PNPLA5: variants seen among roughly 807,000 people sequenced by gnomAD.
PNPLA5 encodes patatin like domain 5, triacylglycerol lipase, also known as patatin-like phospholipase domain-containing protein 5.
A neutral mutation model predicts 49.1 loss-of-function variants in PNPLA5; 44 were observed. The ratio of observed to expected loss-of-function variants is 0.90; its 90% confidence interval spans 0.70 to 1.15. The LOEUF (loss-of-function observed/expected upper bound fraction) is 1.15. PNPLA5 is among the 50% of genes most tolerant of loss of function. The pLI is 0.00. For missense variants in PNPLA5, 603 were observed against 564.0 expected (o/e 1.07, Z -0.70); for synonymous variants, 243 against 244.4 (o/e 0.99, Z 0.06).
At position 43,886,393 on chromosome 22, in the gene PNPLA5, T is replaced by G; in HGVS notation, c.859A>C (p.Lys287Gln). 1 of 1,614,154 alleles carries G rather than the reference T, an allele frequency of 6.2e-7. No individual in the cohort carries two copies. Among genetic ancestry groups the G allele is most frequent in the Non-Finnish European group, 8.5e-7 (1 of 1,180,018 alleles). ...TTCCAGTTGAGAGACAGGCCCCCCT[T>G]CCAGCGTTGGTCACAGCCAGCATCC... ...NWDAGCDQRW[K>Q]GGLSLNWKVP... The change falls in exon 6 of 9, where the codon AAG (lysine) becomes CAG (glutamine). Residue 287 changes from lysine (K) to glutamine (Q), a missense_variant. Physicochemically the swap from Lys to Gln is moderately conservative, Grantham distance 53 (BLOSUM62 1). Transcript: ENST00000216177.
chr22:43,884,586 T>C (rs936280486), intron 6 of PNPLA5, among the ~76,000 whole-genome samples: 1 of 152,160 alleles, frequency 6.6e-6, no homozygotes, highest in Non-Finnish European at 1.5e-5. Context: ...GAGAAGTGAC[T>C]TGCCTAAGGA....
chr22:43,888,378 G>A (rs2148329430), intron 4 of PNPLA5, among the ~76,000 whole-genome samples: 1 of 110,184 alleles, frequency 9.1e-6, no homozygotes, highest in South Asian at 3.4e-4. Context: ...AGGAGTGTGT[G>A]TGTGTGTGTG....
Position 43,881,797 on chromosome 22 carries a change from G to A in PNPLA5, c.1083-123C>T, listed in dbSNP as rs113005163. 6.1e-5 allele frequency: 89 copies of A among 1,457,702 alleles called. No homozygotes were observed. In the African/African-American group the frequency reaches 1.2e-3, roughly 19 times the overall value. 90.3% of individuals were successfully genotyped at this position (1,457,702 alleles called of 1,614,324 possible). Reference sequence around the variant, plus strand: ...TGCTCCTGAGGGCTGCCCAGGTTAGGGAAGAAGGGCCAGCAGCGTTGGCCA... The same window carrying A: ...TGCTCCTGAGGGCTGCCCAGGTTAGAGAAGAAGGGCCAGCAGCGTTGGCCA... On this transcript the variant is annotated intron_variant, in intron 7 of 8. Coordinates refer to ENST00000216177, the MANE Select transcript of PNPLA5 (RefSeq NM_138814.4).
chr22:43,882,557 C>G (rs937485251), intron 7 of PNPLA5, among the ~76,000 whole-genome samples: 21 of 152,264 alleles, frequency 1.4e-4, no homozygotes, highest in South Asian at 4.1e-4. Context: ...TTAATGCAAC[C>G]TATGTGTTGA....
intron 6 of PNPLA5, among the ~76,000 whole-genome samples, chr22:43,885,883 G>T (rs903290327): frequency 6.6e-6 from 1 of 152,214 alleles, no homozygotes; most frequent in Non-Finnish European, 1.5e-5. Flanking sequence ...TTGGAAGGAT[G>T]AAATGAGTTC....
rs778040750 is a variant in PNPLA5 at position 43,891,281 on chromosome 22, G to A, written c.207C>T (p.Ser69=). 8.4e-6 allele frequency: 13 copies of A among 1,556,864 alleles called. No homozygotes were observed. The highest frequency in any genetic ancestry group is 1.4e-5 in the African/African-American group (1 of 73,532). The change falls in exon 2 of 9, where the codon TCC becomes TCT. Residue 69 remains serine, a synonymous_variant. Transcript: ENST00000216177. The part of the protein sequence containing the change: ...VCGKSVDFCC[S]HLLGMVGQLE... ...ACTGCCCAACCATGCCCAGGAGGTG[G>A]GAGCAGCAGAAGTCTGCAGTGGGGG...
At chr22:43,884,465 A>G in intron 6 of PNPLA5, 120 bp from the exon 7 acceptor site, 1 of 1,334,276 alleles carries the variant, frequency 7.5e-7, no homozygotes, top group Non-Finnish European at 9.7e-7. Flanking sequence ...ATGAAGAAGC[A>G]ACACTGAGCA....
intron 7 of PNPLA5, 81 bp from the exon 8 acceptor site, chr22:43,881,755 A>G (rs1056276535): frequency 6.5e-7 from 1 of 1,541,242 alleles, no homozygotes; most frequent in Non-Finnish European, 8.7e-7. Flanking sequence ...ATAGGCCCAG[A>G]GCACAGCCGG....
At chr22:43,889,192 T>C (rs975416101) in intron 4 of PNPLA5, 137 bp downstream of exon 4, 3 of 950,930 alleles carry the variant, frequency 3.2e-6, no homozygotes. Context: ...TTCAGGTGTT[T>C]GGCTGTGAGA....
At position 43,891,582 on chromosome 22, in the gene PNPLA5, G is replaced by A; in HGVS notation, c.193+106C>T. 5 of 1,375,358 alleles carry A rather than the reference G, an allele frequency of 3.6e-6. No homozygotes were observed. The South Asian group carries it at 7.6e-5, about 21-fold the overall frequency. 85.2% of individuals were successfully genotyped at this position (1,375,358 alleles called of 1,614,324 possible). On this transcript the variant is annotated intron_variant, in intron 1 of 8. Coordinates refer to ENST00000216177, the MANE Select transcript of PNPLA5 (RefSeq NM_138814.4). ...CATGGGATTAAATGAGGCTGTGCCG[G>A]GGGTAGAGGGCGCAGAGCACAGCGC... is the stretch of plus-strand genomic sequence containing the variant.
rs764180071 is a variant in PNPLA5 at position 43,884,335 on chromosome 22, T to C, written c.960A>G (p.Lys320=). The C allele has an allele frequency of 1.9e-6, 3 of 1,580,482 alleles. No individual in the cohort carries two copies. The East Asian group carries it at 7.1e-5, about 37-fold the overall frequency. The change falls in exon 7 of 9, where the codon AAA becomes AAG. Residue 320 remains lysine, a synonymous_variant. Coordinates refer to ENST00000216177, the MANE Select transcript of PNPLA5 (RefSeq NM_138814.4). ...ACCGGCTGGGATCCCTCGTACATGC[T>C]TTCTTCAGTGCTGCAAGAGAAGCCC... is the stretch of plus-strand genomic sequence containing the variant. ...LSPELEAALK[K]ACTRDPSRWA...
In PNPLA5 at chr22:43,891,052, C is replaced by G; in HGVS notation, c.426+10G>C. ...CACCAGCCAAGCCCTGGGCACCCCCCGCCCCACACCTGGATGAGCTCATCG... is the reference window on the plus strand; with the variant it reads ...CACCAGCCAAGCCCTGGGCACCCCCGGCCCCACACCTGGATGAGCTCATCG... On this transcript the variant is annotated intron_variant, in intron 2 of 8. Coordinates refer to ENST00000216177, the MANE Select transcript of PNPLA5 (RefSeq NM_138814.4). The G allele has an allele frequency of 6.2e-7, 1 of 1,601,386 alleles. No homozygotes were observed. The highest frequency in any genetic ancestry group is 8.5e-7 in the Non-Finnish European group (1 of 1,175,496).
At chr22:43,887,440 C>A (rs2049677359) in intron 5 of PNPLA5, 151 bp downstream of exon 5, 6 of 899,580 alleles carry the variant, frequency 6.7e-6, no homozygotes, top group Admixed American at 2.3e-5. Flanking sequence ...TTCTCTGAGT[C>A]CCCAGTACTC....
At chr22:43,881,740 T>A in intron 7 of PNPLA5, 66 bp from the exon 8 acceptor site, 5 of 1,573,218 alleles carry the variant, frequency 3.2e-6, no homozygotes, top group Non-Finnish European at 4.3e-6. Flanking sequence ...AAGCCCACCC[T>A]CCCCATAGGC....
In PNPLA5 at chr22:43,884,340, T is replaced by G; in HGVS notation, c.955A>C (p.Lys319Gln). 1 of 1,570,626 alleles carries G rather than the reference T, an allele frequency of 6.4e-7. No homozygotes were observed. The highest frequency in any genetic ancestry group is 1.8e-5 in the Admixed American group (1 of 54,490). Residue 319 changes from lysine (K) to glutamine (Q), a missense_variant, in exon 7 of 9, where the codon AAG (lysine) becomes CAG (glutamine). By Grantham distance (53) the Lys-to-Gln change is moderately conservative. Transcript: ENST00000216177. ...CTGGGATCCCTCGTACATGCTTTCT[T>G]CAGTGCTGCAAGAGAAGCCCTGGCA... ...QLSPELEAAL[K>Q]KACTRDPSRW...
chr22:43,887,694 C>A, intron 4 of PNPLA5, 43 bp from the exon 5 acceptor site: 1 of 1,573,044 alleles, frequency 6.4e-7, no homozygotes, highest in Non-Finnish European at 8.6e-7. Flanking sequence ...AAGGCCTGGA[C>A]CTACCCCTCG....
rs772269420 is a variant in PNPLA5 at position 43,891,209 on chromosome 22, G to A, written c.279C>T (p.Ile93=). 3.2e-6 allele frequency: 5 copies of A among 1,582,004 alleles called. No individual in the cohort carries two copies. In the African/African-American group the frequency reaches 6.7e-5, roughly 21 times the overall value. ...CCTGCAGCTGCTGCTTGACGTGCTC[G>A]ATGGGCGCGTAGGCCGGGTGCAGGA... ...LSILHPAYAP[I]EHVKQQLQDA... The change falls in exon 2 of 9, where the codon ATC becomes ATT. Residue 93 remains isoleucine, a synonymous_variant. Transcript: ENST00000216177.
rs1419016682 is a variant in PNPLA5, at chr22:43,880,132, A to G, written c.*663T>C. 5 of 302,882 alleles carry G rather than the reference A, an allele frequency of 1.7e-5. No individual in the cohort carries two copies. Among genetic ancestry groups the G allele is most frequent in the Non-Finnish European group, 3.0e-5 (5 of 165,780 alleles). The allele number at this position is 302,882 out of a possible 1,614,324, so 18.8% of individuals were successfully genotyped here. On this transcript the variant is annotated 3_prime_UTR_variant, in exon 9 of 9. Transcript: ENST00000216177. Reference sequence around the variant, plus strand: ...CTCTGCCCCAGGTACAGGCACAGCTACGTCACAAACCTTCTGCAGGAATGA... The same window carrying G: ...CTCTGCCCCAGGTACAGGCACAGCTGCGTCACAAACCTTCTGCAGGAATGA...
chr22:43,890,991 T>C (rs927140087), intron 2 of PNPLA5, 71 bp downstream of exon 2: 48 of 1,540,614 alleles, frequency 3.1e-5, no homozygotes, highest in Non-Finnish European at 4.0e-5. Flanking sequence ...GACGGGGAAG[T>C]ACCTGGATGT....
Sources: gnomAD v4.1 joint callset for allele counts (sites outside exome capture counted in the v4.1 genomes callset) on GRCh38, gnomAD v4.1.1 for gene constraint, MANE v1.5 for transcripts, NCBI Gene and HGNC (gene_info 2026-07-23, HGNC 2026-07-21) for gene names.